The following PDE6C variants were observed in gnomAD, a reference collection of about 807,000 sequenced individuals.
The protein encoded by PDE6C is phosphodiesterase 6C, also known as cone cGMP-specific 3',5'-cyclic phosphodiesterase subunit alpha'.
Under a neutral mutation model 113.1 loss-of-function variants are expected in PDE6C, and 75 were observed. That is an observed-to-expected ratio of 0.66 (90% CI 0.55 to 0.80). PDE6C has a LOEUF of 0.80. Ranked by LOEUF, PDE6C falls within the 30% of genes least tolerant of loss-of-function variation. The pLI, the probability that PDE6C is intolerant of heterozygous loss-of-function variation, is 0.00. For missense variants in PDE6C, 912 were observed against 1,038.6 expected, an observed-to-expected ratio of 0.88 and a Z score of 1.67; for synonymous variants, 375 against 363.7, an observed-to-expected ratio of 1.03 and a Z score of -0.35.
At chr10:93,622,288 G>GTTTTTT (rs57224307) in intron 4 of PDE6C, among the ~76,000 whole-genome samples, 1 of 149,054 alleles carries the variant, frequency 6.7e-6, no homozygotes, top group Non-Finnish European at 1.5e-5. Flanking sequence ...CAGCAAGTCT[G>GTTTTTT]TTTTTTTTTT....
chr10:93,642,270 A>G (rs2058563771), intron 14 of PDE6C, among the ~76,000 whole-genome samples: 2 of 152,174 alleles, frequency 1.3e-5, no homozygotes, highest in African/African-American at 2.4e-5. Context: ...AGGGTGAGGC[A>G]GGATAATTGT....
intron 15 of PDE6C, among the ~76,000 whole-genome samples, chr10:93,651,879 T>A (rs1019458852): frequency 2.6e-5 from 4 of 152,176 alleles, no homozygotes; most frequent in African/African-American, 9.7e-5. Context: ...GTTGTCAAAG[T>A]AGGTCTTGAA....
intron 19 of PDE6C, 76 bp from the exon 20 acceptor site, chr10:93,662,484 A>AAAAT: frequency 3.4e-6 from 2 of 593,264 alleles, no homozygotes; most frequent in Non-Finnish European, 3.1e-6. Flanking sequence ...AAAAAAAAAA[A>AAAAT]GTTATCAGGA....
intron 8 of PDE6C, 50 bp downstream of exon 8, chr10:93,629,355 G>T: frequency 2.2e-6 from 3 of 1,390,416 alleles, no homozygotes; most frequent in Non-Finnish European, 3.1e-6. Flanking sequence ...GGGTAGAGGA[G>T]TGGATGCTCT....
chr10:93,655,610 C>CAAAAAAAAAAAAAAAAAAAAGAAAAAAA, intron 15 of PDE6C, 150 bp from the exon 16 acceptor site: 2 of 265,124 alleles, frequency 7.5e-6, no homozygotes, highest in African/African-American at 9.8e-5. Flanking sequence ...AAAAGCAAGC[C>CAAAAAAAAAAAAAAAAAAAAGAAAAAAA]AAAAAAAAAA....
chr10:93,640,284 T>A, intron 12 of PDE6C, 68 bp downstream of exon 12: 1 of 1,471,642 alleles, frequency 6.8e-7, no homozygotes, highest in Non-Finnish European at 9.5e-7. Flanking sequence ...TTTTCTGTGG[T>A]TCAAAAGATG....
intron 14 of PDE6C, among the ~76,000 whole-genome samples, chr10:93,642,696 T>C (rs1286954729): frequency 6.6e-6 from 1 of 152,214 alleles, no homozygotes; most frequent in Non-Finnish European, 1.5e-5. Flanking sequence ...GTATAAAGTG[T>C]TGACCTCTCA....
At chr10:93,648,565 C>T (rs1033611535) in intron 15 of PDE6C, among the ~76,000 whole-genome samples, 4 of 152,132 alleles carry the variant, frequency 2.6e-5, no homozygotes, top group Non-Finnish European at 4.4e-5. Context: ...ATTTCAGCAT[C>T]TGTGGGCATT....
intron 8 of PDE6C, among the ~76,000 whole-genome samples, chr10:93,634,505 A>T (rs1399882228): frequency 1.3e-5 from 2 of 152,226 alleles, no homozygotes; most frequent in Non-Finnish European, 2.9e-5. Context: ...AAGTAACTGC[A>T]TACAAATCTT....
chr10:93,636,943 T>C, intron 10 of PDE6C, 52 bp from the exon 11 acceptor site: 2 of 949,410 alleles, frequency 2.1e-6, no homozygotes, highest in Non-Finnish European at 3.5e-6. Flanking sequence ...AGGAATCAGA[T>C]GGAAATCTTC....
In PDE6C at chr10:93,665,528, T is replaced by C. The variant is rs1486418682; in HGVS notation, c.*110T>C. ...CACGTAACAGGATCTTCAGAAAAAC[T>C]ACCCTGTGACTATGAAGAAAATATA... On this transcript the variant is annotated 3_prime_UTR_variant, in exon 22 of 22. Coordinates refer to ENST00000371447, the MANE Select transcript of PDE6C (RefSeq NM_006204.4). The C allele has an allele frequency of 2.5e-6, 2 of 788,028 alleles. No homozygotes were observed. Among genetic ancestry groups the C allele is most frequent in the Admixed American group, 1.9e-5 (1 of 51,634 alleles). The allele number at this position is 788,028 out of a possible 1,614,324, so 48.8% of individuals were successfully genotyped here. A position where few individuals can be genotyped will look rare whatever the true frequency, so the allele number is the denominator to read the frequency against.
chr10:93,650,390 A>T (rs7893369), intron 15 of PDE6C, among the ~76,000 whole-genome samples: 5 of 151,932 alleles, frequency 3.3e-5, no homozygotes, highest in African/African-American at 1.2e-4. Flanking sequence ...GGGACTACAG[A>T]CATGAGTCTC....
In PDE6C at chr10:93,658,966, T is replaced by C; in HGVS notation, c.2102T>C (p.Ile701Thr). ...CEQMQTEEEAIKYVTVDPTKK... is the reference protein window; with the variant it reads ...CEQMQTEEEATKYVTVDPTKK... ...CAAATGCAAACGGAAGAAGAAGCCA[T>C]CAAATATGTAACTGTTGATCCAACC... The change falls in exon 17 of 22, where the codon ATC becomes ACC. Residue 701 changes from isoleucine to threonine, a missense_variant. Physicochemically the swap from Ile to Thr is moderately conservative, Grantham distance 89. Transcript: ENST00000371447. 6.2e-7 allele frequency: 1 copy of C among 1,612,770 alleles called. No homozygotes were observed. Among genetic ancestry groups the C allele is most frequent in the Non-Finnish European group, 8.5e-7 (1 of 1,178,890 alleles).
chr10:93,632,870 T>C (rs2058508323), intron 8 of PDE6C, among the ~76,000 whole-genome samples: 1 of 152,236 alleles, frequency 6.6e-6, no homozygotes, highest in African/African-American at 2.4e-5. Context: ...ATTACTTAGA[T>C]TGAGCACTTA....
At position 93,634,767 on chromosome 10, in the gene PDE6C, G is replaced by A. The variant is rs746108727; in HGVS notation, c.1129G>A (p.Val377Ile). ...CCCTTCTCGTTTGTAGAAAGGACCTGTAGACGAAACTGGTTGGGTCATTAA... is the reference window on the plus strand; with the variant it reads ...CCCTTCTCGTTTGTAGAAAGGACCTATAGACGAAACTGGTTGGGTCATTAA... Reference protein sequence around the residue: ...DEYFTFQKGPVDETGWVIKNV... With the variant: ...DEYFTFQKGPIDETGWVIKNV... Residue 377 changes from valine to isoleucine, a missense_variant, in exon 9 of 22, where the codon GTA becomes ATA. Coordinates refer to ENST00000371447, the MANE Select transcript of PDE6C (RefSeq NM_006204.4). 6.2e-7 allele frequency: 1 copy of A among 1,614,086 alleles called. No individual in the cohort carries two copies. The highest frequency in any genetic ancestry group is 8.5e-7 in the Non-Finnish European group (1 of 1,179,976).
In PDE6C at chr10:93,613,144, T is replaced by C. The variant is rs1157328604; in HGVS notation, c.419T>C (p.Ile140Thr). Residue 140 changes from isoleucine (I) to threonine (T), a missense_variant, in exon 1 of 22, where the codon ATT (isoleucine) becomes ACT (threonine). Ile to Thr is a moderately conservative substitution (Grantham distance 89, BLOSUM62 -1). Transcript: ENST00000371447. ...PDKEVVFPLD[I>T]GIVGWAAHTK... is the part of the protein sequence containing the mutation. ...AAAGAAGTTGTGTTTCCATTGGACATTGGGATAGTGGGTTGGGCTGCTCAC... is the reference window on the plus strand; with the variant it reads ...AAAGAAGTTGTGTTTCCATTGGACACTGGGATAGTGGGTTGGGCTGCTCAC... 3 of 1,614,076 alleles carry C rather than the reference T, an allele frequency of 1.9e-6. No individual in the cohort carries two copies. The highest frequency in any genetic ancestry group is 2.5e-6 in the Non-Finnish European group (3 of 1,180,018).
At chr10:93,665,120 C>CT (rs2058684335) in intron 21 of PDE6C, among the ~76,000 whole-genome samples, 1 of 152,212 alleles carries the variant, frequency 6.6e-6, no homozygotes, top group Admixed American at 6.5e-5. Context: ...CCACCCGCCT[C>CT]AGCCTCCCAA....
chr10:93,614,796 A>G (rs1644752914), intron 1 of PDE6C, among the ~76,000 whole-genome samples: 1 of 151,940 alleles, frequency 6.6e-6, no homozygotes, highest in Non-Finnish European at 1.5e-5. Context: ...GCATGGACGG[A>G]GCACTTCATC....
chr10:93,616,213 T>G (rs893332093), intron 1 of PDE6C, among the ~76,000 whole-genome samples: 2 of 152,212 alleles, frequency 1.3e-5, no homozygotes, highest in African/African-American at 4.8e-5. Flanking sequence ...AACTCAGGTC[T>G]TGGAGGCCTC....
Sources: allele counts gnomAD v4.1 joint callset (sites outside exome capture counted in the v4.1 genomes callset), GRCh38; gene constraint gnomAD v4.1.1; transcripts MANE v1.5; gene names NCBI Gene and HGNC (gene_info 2026-07-23, HGNC 2026-07-21).